The following CSMD3 variants were observed in gnomAD, a reference collection of about 807,000 sequenced individuals.
The protein encoded by CSMD3 is CUB and sushi domain-containing protein 3.
Under a neutral mutation model 435.2 loss-of-function variants are expected in CSMD3, and 177 were observed. The ratio of observed to expected loss-of-function variants is 0.41; its 90% CI spans 0.36 to 0.46. The LOEUF is 0.46. Among genes scored for constraint, CSMD3 ranks in the 20% least tolerant of loss-of-function variants. CSMD3 has a pLI of 0.34. For missense variants in CSMD3, 4,265 were observed against 4,504.6 expected (o/e 0.95, Z 1.52); for synonymous variants, 1,656 against 1,520.5 (o/e 1.09, Z -2.07).
intron 10 of CSMD3, among the ~76,000 whole-genome samples, chr8:112,875,245 C>G (rs2081249083): frequency 6.6e-6 from 1 of 152,048 alleles, no homozygotes; most frequent in South Asian, 2.1e-4. Context: ...AAATATTGGC[C>G]CCCACTTTCT....
At chr8:113,263,969 T>C (rs890533105) in intron 3 of CSMD3, among the ~76,000 whole-genome samples, 6 of 151,644 alleles carry the variant, frequency 4.0e-5, no homozygotes, top group African/African-American at 1.4e-4. Context: ...TTGAGACTTA[T>C]TATTGCTATT....
intron 3 of CSMD3, among the ~76,000 whole-genome samples, chr8:113,201,299 ATATATGTCCTC>A (rs1480844375): frequency 3.3e-5 from 5 of 151,952 alleles, no homozygotes; most frequent in African/African-American, 1.2e-4. Flanking sequence ...GTATTTTATA[ATATATGTCCTC>A]ATATATTATA....
At chr8:112,477,810 C>G (rs893659036) in intron 31 of CSMD3, among the ~76,000 whole-genome samples, 3 of 152,086 alleles carry the variant, frequency 2.0e-5, no homozygotes, top group Non-Finnish European at 4.4e-5. Flanking sequence ...TATAGTAATA[C>G]AAACAGACTA....
chr8:113,355,920 G>C (rs2094223783), intron 1 of CSMD3, among the ~76,000 whole-genome samples: 1 of 150,248 alleles, frequency 6.7e-6, no homozygotes, highest in African/African-American at 2.4e-5. Context: ...AGTTGAATCT[G>C]AGTAGAAGTG....
intron 18 of CSMD3, among the ~76,000 whole-genome samples, chr8:112,655,538 A>T (rs1283856675): frequency 6.6e-6 from 1 of 152,030 alleles, no homozygotes; most frequent in Non-Finnish European, 1.5e-5. Context: ...TTCAAAAATC[A>T]AAATATTTTA....
intron 42 of CSMD3, among the ~76,000 whole-genome samples, chr8:112,340,132 A>G (rs1824956464): frequency 6.6e-6 from 1 of 152,234 alleles, no homozygotes; most frequent in Non-Finnish European, 1.5e-5. Flanking sequence ...TTTAAGGTGC[A>G]TGGCAAAGAA....
At chr8:113,138,542 C>T (rs1588139676) in intron 4 of CSMD3, among the ~76,000 whole-genome samples, 1 of 151,252 alleles carries the variant, frequency 6.6e-6, no homozygotes, top group Non-Finnish European at 1.5e-5. Flanking sequence ...TTGAAGTAAG[C>T]TTTCTTAATA....
chr8:112,845,705 A>T (rs2080298904), intron 11 of CSMD3, among the ~76,000 whole-genome samples: 1 of 151,952 alleles, frequency 6.6e-6, no homozygotes. Flanking sequence ...GGCTTGGAGT[A>T]AGCAGAAAAA....
intron 22 of CSMD3, among the ~76,000 whole-genome samples, chr8:112,624,628 T>A (rs1041251660): frequency 6.6e-6 from 1 of 152,046 alleles, no homozygotes; most frequent in African/African-American, 2.4e-5. Flanking sequence ...CCTACTAAGA[T>A]TATTGCAAGT....
In CSMD3 at chr8:112,375,694, G is replaced by C. The variant is rs141286439; in HGVS notation, c.6136+4658C>G. The stretch of plus-strand genomic sequence containing the variant: ...TATCTTATACAAATAAAGGATTTTT[G>C]CATTCAGCAATATATTTTAGAAATG... On this transcript the variant is annotated intron_variant, in intron 38 of 70. Coordinates refer to ENST00000297405, the MANE Select transcript of CSMD3 (RefSeq NM_198123.2). Among the ~76,000 whole-genome samples, 1,069 of 151,954 alleles carry C rather than the reference G, an allele frequency of 7.0e-3. 12 individuals are homozygous for C. The highest frequency in any genetic ancestry group is 0.024 in the African/African-American group (995 of 41,462).
rs1821388452 is a variant in CSMD3, at chr8:112,306,028, T to C, written c.8050A>G (p.Asn2684Asp). The C allele has an allele frequency of 6.2e-7, 1 of 1,613,738 alleles. No individual in the cohort carries two copies. The highest frequency in any genetic ancestry group is 1.1e-5 in the South Asian group (1 of 91,088). The change falls in exon 51 of 71, where the codon AAC becomes GAC. Residue 2684 changes from asparagine to aspartate, a missense_variant. Physicochemically the swap from Asn to Asp is conservative, Grantham distance 23. Coordinates refer to ENST00000297405, the MANE Select transcript of CSMD3 (RefSeq NM_198123.2). ...CQSDGTWSNH[N>D]KTPRCVVVTC... ...ATACCAACACAGCGAGGGGTCTTGT[T>C]ATGATTGCTCCATGTTCCATCTGAT...
At chr8:113,324,351 G>A (rs970831804) in intron 1 of CSMD3, among the ~76,000 whole-genome samples, 1 of 152,162 alleles carries the variant, frequency 6.6e-6, no homozygotes, top group Non-Finnish European at 1.5e-5. Context: ...GCTAGGCCTA[G>A]GGTCTCTGGG....
intron 3 of CSMD3, among the ~76,000 whole-genome samples, chr8:113,254,262 TTTG>T (rs2093360978): frequency 6.6e-6 from 1 of 152,224 alleles, no homozygotes; most frequent in Admixed American, 6.5e-5. Flanking sequence ...AAATCATTTC[TTTG>T]TTAACAGAAA....
intron 1 of CSMD3, among the ~76,000 whole-genome samples, chr8:113,398,241 T>C (rs1388539543): frequency 1.3e-5 from 2 of 152,234 alleles, no homozygotes; most frequent in Admixed American, 1.3e-4. Context: ...ATGAAATAAT[T>C]ATATTAATTT....
intron 5 of CSMD3, among the ~76,000 whole-genome samples, chr8:113,026,687 C>T (rs1172221425): frequency 6.6e-6 from 1 of 152,060 alleles, no homozygotes; most frequent in Admixed American, 6.6e-5. Flanking sequence ...CTTTCAGTCT[C>T]TTTGAATTTT....
At chr8:112,370,023 G>GGAAGAAGAAGAAGAAGAAGAAGAAGAA (rs71309767) in intron 38 of CSMD3, among the ~76,000 whole-genome samples, 117 of 66,564 alleles carry the variant, frequency 1.8e-3, no homozygotes, top group Admixed American at 2.9e-3. Context: ...AAGAAGAAGA[G>GGAAGAAGAAGAAGAAGAAGAAGAAGAA]GAAGAAGAAG....
chr8:112,620,908 G>A (rs1331235986), intron 22 of CSMD3, among the ~76,000 whole-genome samples: 1 of 152,100 alleles, frequency 6.6e-6, no homozygotes, highest in Non-Finnish European at 1.5e-5. Context: ...CATCTGAAAT[G>A]TACTTTCAAA....
At position 112,943,357 on chromosome 8, in the gene CSMD3, G is replaced by A. The variant is rs576785845; in HGVS notation, c.1508+4433C>T. On this transcript the variant is annotated intron_variant, in intron 9 of 70. Coordinates refer to ENST00000297405, the MANE Select transcript of CSMD3 (RefSeq NM_198123.2). ...GAAGTATGACATCAATTTTTTTATC[G>A]ATTATACTTTTTGGTGTTTTATGAA... Among the ~76,000 whole-genome samples the A allele has an allele frequency of 1.2e-3, 13 of 11,076 alleles. No individual in the cohort carries two copies. In the South Asian group the frequency reaches 0.06, roughly 51 times the overall value. The allele number at this position is 11,076 out of a possible 152,430, so 7.3% of individuals were successfully genotyped here.
At chr8:113,189,929 A>G (rs2092560180) in intron 3 of CSMD3, among the ~76,000 whole-genome samples, 1 of 151,860 alleles carries the variant, frequency 6.6e-6, no homozygotes, top group Non-Finnish European at 1.5e-5. Flanking sequence ...TGTGCTTTAA[A>G]AACATAATTA....
Sources: allele counts gnomAD v4.1 joint callset (sites outside exome capture counted in the v4.1 genomes callset), GRCh38; gene constraint gnomAD v4.1.1; transcripts MANE v1.5; gene names NCBI Gene and HGNC (gene_info 2026-07-23, HGNC 2026-07-21).